TAP2: variants seen among roughly 807,000 people sequenced by gnomAD.
TAP2 encodes the protein transporter 2, ATP binding cassette subfamily B member, also known as antigen peptide transporter 2.
In TAP2, 49 loss-of-function variants were observed where a neutral mutation model predicts 74.7. The observed-to-expected ratio is 0.66, with a 90% confidence interval of 0.52 to 0.83. TAP2 has a LOEUF of 0.83. Ranked by LOEUF, TAP2 falls within the 40% of genes least tolerant of loss-of-function variation. TAP2 has a pLI of 0.00. For synonymous variants in TAP2, 306 were observed against 368.4 expected (o/e 0.83, Z 1.94); for missense variants, 739 against 859.0 (o/e 0.86, Z 1.75).
intron 11 of TAP2, 146 bp downstream of exon 11, chr6:32,829,254 C>A: frequency 6.9e-7 from 1 of 1,444,618 alleles, no homozygotes. Context: ...CTCACACCAC[C>A]GGATTCCATT....
At chr6:32,838,493 C>A (rs1769595224) in intron 1 of TAP2, among the ~76,000 whole-genome samples, 160 bp downstream of exon 1, 1 of 151,628 alleles carries the variant, frequency 6.6e-6, no homozygotes, top group African/African-American at 2.4e-5. Flanking sequence ...ATCCCCGGAC[C>A]CCCACCCCCA....
In TAP2 at chr6:32,832,822, T is replaced by G. The variant is rs1769181376; in HGVS notation, c.948A>C (p.Glu316Asp). ...CTGCATCCTGGATCTCCCGAAGCACTTCCTGGAAAAGAGGGCCAGCAAACA... is the reference window on the plus strand; with the variant it reads ...CTGCATCCTGGATCTCCCGAAGCACGTCCTGGAAAAGAGGGCCAGCAAACA... ...AEKVYNTRHQ[E>D]VLREIQDAVA... The change falls in exon 6 of 12, where the codon GAA (glutamate) becomes GAC (aspartate). Residue 316 changes from glutamate (E) to aspartate (D), a missense_variant and splice_region_variant. Glu to Asp is a conservative substitution (Grantham distance 45). Transcript: ENST00000374897. The surrounding 1 kb of genome is among the most constrained non-coding windows in gnomAD (Gnocchi z 5.9). 6.2e-6 allele frequency: 10 copies of G among 1,612,196 alleles called. No individual in the cohort carries two copies. Among genetic ancestry groups the G allele is most frequent in the Non-Finnish European group, 8.5e-6 (10 of 1,179,982 alleles).
intron 10 of TAP2, 42 bp downstream of exon 10, chr6:32,829,888 C>G (rs1326588193): frequency 1.2e-6 from 2 of 1,612,488 alleles, no homozygotes; most frequent in Non-Finnish European, 1.7e-6. Context: ...CTGATTTTCT[C>G]TTTTTTACTG....
chr6:32,822,729 C>T (rs1451881045), downstream of TAP2, among the ~76,000 whole-genome samples: 2 of 152,000 alleles, frequency 1.3e-5, no homozygotes, highest in African/African-American at 2.4e-5. Flanking sequence ...GACGGGTTTT[C>T]GCTGTTGCCC....
downstream of TAP2, chr6:32,821,965 T>C (rs73410775): frequency 0.072 from 21,925 of 302,450 alleles, 1,423 homozygotes; most frequent in African/African-American, 0.22. Flanking sequence ...GGGAAGGGGC[T>C]GGGGAAGAGG....
chr6:32,825,131 TAC>T (rs1348064776), downstream of TAP2, among the ~76,000 whole-genome samples: 16 of 131,388 alleles, frequency 1.2e-4, no homozygotes, highest in East Asian at 2.3e-3. Context: ...GTTGGTTATA[TAC>T]ATATATATAT....
downstream of TAP2, among the ~76,000 whole-genome samples, chr6:32,823,002 C>A (rs998035568): frequency 1.3e-5 from 2 of 148,150 alleles, no homozygotes; most frequent in African/African-American, 2.5e-5. Flanking sequence ...TCGCTACAAC[C>A]TTTGCCTCCC....
Position 32,830,515 on chromosome 6 carries a change from G to A in TAP2, c.1462-75C>T. ...CCCTCCATTTCTCTTCTTAGCAGAG[G>A]CAAGACCAGGTTCTCAGAGGCAAAT... is the stretch of plus-strand genomic sequence containing the variant. On this transcript the variant is annotated intron_variant, in intron 8 of 11. Coordinates refer to ENST00000374897, the MANE Select transcript of TAP2 (RefSeq NM_001290043.2). 6 of 1,592,990 alleles carry A rather than the reference G, an allele frequency of 3.8e-6. No homozygotes were observed. In the South Asian group the frequency reaches 6.8e-5, roughly 18 times the overall value.
chr6:32,833,811 T>C (rs148670515), intron 5 of TAP2, among the ~76,000 whole-genome samples: 1,624 of 152,226 alleles, frequency 0.011, 28 homozygotes, highest in African/African-American at 0.03. Flanking sequence ...GGGTAGGAGG[T>C]AATTGAATCA....
At position 32,830,280 on chromosome 6, in the gene TAP2, T is replaced by C. The variant is rs1441035524; in HGVS notation, c.1622A>G (p.Tyr541Cys). The C allele has an allele frequency of 6.2e-7, 1 of 1,612,974 alleles. No individual in the cohort carries two copies. The highest frequency in any genetic ancestry group is 1.1e-5 in the South Asian group (1 of 91,086). ...EKPISQYEHC[Y>C]LHSQVVSVGQ... ...CTCCTCACCCACCTGGCTGTGCAGG[T>C]AGCAGTGTTCATACTGTGAGATGGG... The change falls in exon 9 of 12, where the codon TAC becomes TGC. Residue 541 changes from tyrosine to cysteine, a missense_variant. By Grantham distance (194) the Tyr-to-Cys change is radical (BLOSUM62 -2). Coordinates refer to ENST00000374897, the MANE Select transcript of TAP2 (RefSeq NM_001290043.2).
In TAP2 at chr6:32,828,043, G is replaced by A; in HGVS notation, c.*863C>T. On this transcript the variant is annotated 3_prime_UTR_variant, in exon 12 of 12. Coordinates refer to ENST00000374897, the MANE Select transcript of TAP2 (RefSeq NM_001290043.2). Reference sequence around the variant, plus strand: ...GACCCAAGATGCAATATAATTGATTGGGTCAGGGTGTGGACTCTAGGGTCA... The same window carrying A: ...GACCCAAGATGCAATATAATTGATTAGGTCAGGGTGTGGACTCTAGGGTCA... 2.0e-6 allele frequency: 2 copies of A among 976,582 alleles called. No homozygotes were observed. Among genetic ancestry groups the A allele is most frequent in the Non-Finnish European group, 1.2e-6 (1 of 822,056 alleles). 60.5% of individuals were successfully genotyped at this position (976,582 alleles called of 1,614,324 possible). A position where few individuals can be genotyped will look rare whatever the true frequency, so the allele number is the denominator to read the frequency against.
chr6:32,828,747 C>T lies in TAP2; in HGVS notation c.*159G>A. 8.9e-7 allele frequency: 1 copy of T among 1,117,742 alleles called. No homozygotes were observed. The highest frequency in any genetic ancestry group is 2.5e-5 in the South Asian group (1 of 39,384). 69.2% of individuals were successfully genotyped at this position (1,117,742 alleles called of 1,614,324 possible). On this transcript the variant is annotated 3_prime_UTR_variant, in exon 12 of 12. Transcript: ENST00000374897. The stretch of plus-strand genomic sequence containing the variant: ...AGTGTCCAAATCTCCATCGTGCCTG[C>T]AACTCAGGAACAGCTATCTGGCCGC...
downstream of TAP2, among the ~76,000 whole-genome samples, chr6:32,824,708 AAGTC>A (rs1476516670): frequency 2.0e-5 from 3 of 152,090 alleles, no homozygotes; most frequent in Non-Finnish European, 4.4e-5. Flanking sequence ...TATTAGTTAA[AAGTC>A]AGTCTTATAT....
At chr6:32,834,406 T>C (rs772247061) in intron 5 of TAP2, among the ~76,000 whole-genome samples, 4 of 152,240 alleles carry the variant, frequency 2.6e-5, no homozygotes, top group Non-Finnish European at 4.4e-5. Flanking sequence ...TACTGTATGG[T>C]TCCACTTACG....
Position 32,827,509 on chromosome 6 carries a change from C to A in TAP2, c.*1397G>T, listed in dbSNP as rs1461224985. On this transcript the variant is annotated 3_prime_UTR_variant, in exon 12 of 12. Transcript: ENST00000374897. ...AAGGGCTGTGAAAGAGGTAACCGCA[C>A]AGTGATAGAAGCACATGGAGAGTTC... 1 of 333,680 alleles carries A rather than the reference C, an allele frequency of 3.0e-6. No individual in the cohort carries two copies. The highest frequency in any genetic ancestry group is 4.3e-6 in the Non-Finnish European group (1 of 234,866). The allele number at this position is 333,680 out of a possible 1,614,324, so 20.7% of individuals were successfully genotyped here. A position where few individuals can be genotyped will look rare whatever the true frequency, so the allele number is the denominator to read the frequency against.
intron 9 of TAP2, 55 bp from the exon 10 acceptor site, chr6:32,830,144 C>A: frequency 6.2e-7 from 1 of 1,612,644 alleles, no homozygotes; most frequent in Non-Finnish European, 8.5e-7. Context: ...AGGCAGGGGC[C>A]CTTTTGTCCT....
chr6:32,822,333 C>CA (rs537104096), downstream of TAP2: 930 of 1,424,826 alleles, frequency 6.5e-4, 17 homozygotes, highest in South Asian at 7.6e-3. Flanking sequence ...AAAAAAAAAA[C>CA]AAAAAAAACC....
intron 5 of TAP2, among the ~76,000 whole-genome samples, chr6:32,833,477 T>C (rs1688527375): frequency 6.6e-6 from 1 of 152,172 alleles, no homozygotes; most frequent in South Asian, 2.1e-4. Flanking sequence ...GCAAAGAACT[T>C]GCAGACATTC....
downstream of TAP2, among the ~76,000 whole-genome samples, chr6:32,822,853 T>C (rs73410783): frequency 0.1 from 15,218 of 151,424 alleles, 1,176 homozygotes; most frequent in African/African-American, 0.22. Context: ...TTTAAAAGTT[T>C]GATATAGATG....
Sources: allele counts gnomAD v4.1 joint callset (sites outside exome capture counted in the v4.1 genomes callset), GRCh38; gene constraint gnomAD v4.1.1; non-coding constraint Gnocchi (gnomAD v3.1); transcripts MANE v1.5; gene names NCBI Gene and HGNC (gene_info 2026-07-23, HGNC 2026-07-21).